ACSM2B: variants seen among roughly 807,000 people sequenced by gnomAD.
ACSM2B encodes the protein acyl-coenzyme A synthetase ACSM2B, mitochondrial.
In ACSM2B, 58 loss-of-function variants were observed where a neutral mutation model predicts 78.6. That is an observed-to-expected ratio of 0.74 (90% CI 0.60 to 0.92). The LOEUF is 0.92. Among genes scored for constraint, ACSM2B ranks in the 40% least tolerant of loss-of-function variants. The pLI is 0.00. For synonymous variants in ACSM2B, 257 were observed against 256.8 expected, an observed-to-expected ratio of 1.00 and a Z score of -0.01; for missense variants, 688 against 711.2, an observed-to-expected ratio of 0.97 and a Z score of 0.37.
rs144163407 is a variant in ACSM2B at position 20,561,170 on chromosome 16, C to G, written c.178-1723G>C. On this transcript the variant is annotated intron_variant, in intron 2 of 13. Coordinates refer to ENST00000329697, the MANE Select transcript of ACSM2B (RefSeq NM_001105069.2). ...TTGAAGACATGCTAAGTGAAATTAG[C>G]CAGACACAAAAAACCAAATACTGTG... is the stretch of plus-strand genomic sequence containing the variant. Among the ~76,000 whole-genome samples, 11 of 152,116 alleles carry G rather than the reference C, an allele frequency of 7.2e-5. No individual in the cohort carries two copies. The South Asian group carries it at 1.5e-3, about 20-fold the overall frequency.
intron 2 of ACSM2B, 93 bp downstream of exon 2, chr16:20,564,576 A>T: frequency 6.7e-7 from 1 of 1,486,842 alleles, no homozygotes; most frequent in African/African-American, 1.4e-5. Context: ...CCTTACATGT[A>T]ATAAGTACTT....
At chr16:20,566,700 A>ATATATATACTATATATAC (rs2015880125) in intron 1 of ACSM2B, among the ~76,000 whole-genome samples, 1 of 6,704 alleles carries the variant, frequency 1.5e-4, no homozygotes, top group African/African-American at 4.7e-4. Flanking sequence ...TATATATAGT[A>ATATATATACTATATATAC]TATATATAGT....
chr16:20,574,970 G>C (rs1379681206), intron 1 of ACSM2B, among the ~76,000 whole-genome samples: 2 of 146,904 alleles, frequency 1.4e-5, no homozygotes, highest in Non-Finnish European at 3.0e-5. Context: ...TATGGTCAAA[G>C]GTATGATGTA....
chr16:20,571,580 A>G (rs1429029897), intron 1 of ACSM2B, among the ~76,000 whole-genome samples: 1 of 148,358 alleles, frequency 6.7e-6, no homozygotes, highest in African/African-American at 2.5e-5. Flanking sequence ...AATATCTGTT[A>G]AATTCATCTG....
At chr16:20,564,597 T>G in intron 2 of ACSM2B, 72 bp downstream of exon 2, 1 of 1,514,084 alleles carries the variant, frequency 6.6e-7, no homozygotes, top group Non-Finnish European at 8.8e-7. Flanking sequence ...AACAAATATT[T>G]ACTGAATTAA....
At position 20,537,313 on chromosome 16, in the gene ACSM2B, C is replaced by G; in HGVS notation, c.1679G>C (p.Arg560Pro). Residue 560 changes from arginine (R) to proline (P), a missense_variant, in exon 14 of 14, where the codon CGA becomes CCA. Arg to Pro is a moderately radical substitution (Grantham distance 103). Coordinates refer to ENST00000329697, the MANE Select transcript of ACSM2B (RefSeq NM_001105069.2). ...LPKTVTGKIQ[R>P]TKLRDKEWKM... Reference sequence around the variant, plus strand: ...CCACTCCTTGTCTCGAAGTTTGGTTCGTTGAATTTTCCCTGTGACAGTCTT... The same window carrying G: ...CCACTCCTTGTCTCGAAGTTTGGTTGGTTGAATTTTCCCTGTGACAGTCTT... 6.2e-7 allele frequency: 1 copy of G among 1,613,966 alleles called. No individual in the cohort carries two copies. The highest frequency in any genetic ancestry group is 8.5e-7 in the Non-Finnish European group (1 of 1,179,900).
chr16:20,574,613 T>C (rs2016193670), intron 1 of ACSM2B: 1 of 150,950 alleles, frequency 6.6e-6, no homozygotes, highest in Non-Finnish European at 1.5e-5. Context: ...GCCTCAGCTC[T>C]GGCCGATCCC....
At chr16:20,560,455 G>A (rs2015617960) in intron 2 of ACSM2B, among the ~76,000 whole-genome samples, 1 of 151,942 alleles carries the variant, frequency 6.6e-6, no homozygotes, top group African/African-American at 2.4e-5. Flanking sequence ...TCCTCATCTT[G>A]CCCTTTGTTG....
Position 20,545,163 on chromosome 16 carries a change from GC to G in ACSM2B, c.1274del (p.Gly425AlafsTer54). The G allele has an allele frequency of 1.2e-6, 2 of 1,612,578 alleles. No individual in the cohort carries two copies. The highest frequency in any genetic ancestry group is 1.7e-6 in the Non-Finnish European group (2 of 1,178,902). On this transcript the variant is annotated frameshift_variant, in exon 10 of 14. Transcript: ENST00000329697. LOFTEE classifies it high-confidence loss of function. ...GAGAAGCACAGTTTCTCACCACATA[GC>G]CAGAGAAGATGCCTATAGGCCTGAT... is the stretch of plus-strand genomic sequence containing the variant. ...KPIRPIGIFS[G>X]YVENPDKTAA...
chr16:20,570,271 G>T (rs1478231807), intron 1 of ACSM2B, among the ~76,000 whole-genome samples: 1 of 151,730 alleles, frequency 6.6e-6, no homozygotes, highest in Non-Finnish European at 1.5e-5. Context: ...AATCATAAGA[G>T]GATGCTGGAT....
chr16:20,543,561 T>C (rs561846409), intron 10 of ACSM2B, among the ~76,000 whole-genome samples: 1 of 152,202 alleles, frequency 6.6e-6, no homozygotes, highest in African/African-American at 2.4e-5. Context: ...ATTGATTCCA[T>C]CTCTCCTTTC....
intron 1 of ACSM2B, among the ~76,000 whole-genome samples, chr16:20,566,718 G>GTATATACTATATATACTATATATACTA (rs1567218517): frequency 2.0e-4 from 1 of 5,014 alleles, no homozygotes; most frequent in Non-Finnish European, 3.6e-4. Context: ...AGTATATATA[G>GTATATACTATATATACTATATATACTA]TATATACTAT....
At position 20,542,770 on chromosome 16, in the gene ACSM2B, A is replaced by G. The variant is rs1449675413; in HGVS notation, c.1509+144T>C. 1.5e-4 allele frequency: 169 copies of G among 1,097,716 alleles called. 1 individual carries two copies. The highest frequency in any genetic ancestry group is 9.2e-4 in the Middle Eastern group (3 of 3,244). 68.0% of individuals were successfully genotyped at this position (1,097,716 alleles called of 1,614,324 possible). A position where few individuals can be genotyped will look rare whatever the true frequency, so the allele number is the denominator to read the frequency against. ...GAGAAACAGAGAGGCCAAGTAGCTTACCCAAGGTCACATAGCTAGTAAGTG... is the reference window on the plus strand; with the variant it reads ...GAGAAACAGAGAGGCCAAGTAGCTTGCCCAAGGTCACATAGCTAGTAAGTG... On this transcript the variant is annotated intron_variant, in intron 12 of 13. Coordinates refer to ENST00000329697, the MANE Select transcript of ACSM2B (RefSeq NM_001105069.2).
intron 8 of ACSM2B, chr16:20,546,904 C>A (rs879335970): frequency 1.1e-5 from 2 of 176,216 alleles, no homozygotes; most frequent in Non-Finnish European, 2.2e-5. Context: ...TTGATACAGG[C>A]ATGCAATATG....
chr16:20,538,122 G>C (rs745657233), intron 13 of ACSM2B, among the ~76,000 whole-genome samples: 4 of 152,100 alleles, frequency 2.6e-5, no homozygotes, highest in African/African-American at 4.8e-5. Context: ...AGATGGTCTC[G>C]AATTTAATAA....
At chr16:20,544,990 A>G (rs1247599457) in intron 10 of ACSM2B, among the ~76,000 whole-genome samples, 167 bp downstream of exon 10, 1 of 152,232 alleles carries the variant, frequency 6.6e-6, no homozygotes, top group Non-Finnish European at 1.5e-5. Context: ...GGCAAGGCTG[A>G]ATAGCCACTT....
At chr16:20,563,807 C>A (rs1487195674) in intron 2 of ACSM2B, among the ~76,000 whole-genome samples, 1 of 152,102 alleles carries the variant, frequency 6.6e-6, no homozygotes, top group Admixed American at 6.6e-5. Flanking sequence ...TAAGTTCATG[C>A]TGGTAGCTCC....
intron 2 of ACSM2B, among the ~76,000 whole-genome samples, chr16:20,563,985 G>A (rs200777984): frequency 0.16 from 23,521 of 148,162 alleles, 410 homozygotes; most frequent in East Asian, 0.47. Flanking sequence ...TTTCTTGGAT[G>A]TCTCATATTG....
chr16:20,549,363 C>T (rs964304805), intron 6 of ACSM2B, among the ~76,000 whole-genome samples: 1 of 152,010 alleles, frequency 6.6e-6, no homozygotes, highest in Non-Finnish European at 1.5e-5. Flanking sequence ...CTGGTGAGAA[C>T]CTTCTTGCTG....
Sources: allele counts gnomAD v4.1 joint callset (sites outside exome capture counted in the v4.1 genomes callset), GRCh38; gene constraint gnomAD v4.1.1; transcripts MANE v1.5; gene names NCBI Gene and HGNC (gene_info 2026-07-23, HGNC 2026-07-21).